RFTN1: variants seen among roughly 807,000 people sequenced by gnomAD.
The protein encoded by RFTN1 is raftlin, lipid raft linker 1.
RFTN1 carries 26 observed loss-of-function variants against 46.5 expected under a neutral mutation model. That is an observed-to-expected ratio of 0.56 (90% confidence interval 0.41 to 0.78). RFTN1 has a LOEUF of 0.78. Ranked by LOEUF, RFTN1 falls within the 30% of genes least tolerant of loss-of-function variation. The pLI is 0.00. For synonymous variants in RFTN1, 261 were observed against 284.2 expected (o/e 0.92, Z 0.82); for missense variants, 693 against 718.7 (o/e 0.96, Z 0.41).
chr3:16,461,323 C>CAT (rs1364048103), intron 2 of RFTN1, among the ~76,000 whole-genome samples: 1 of 152,128 alleles, frequency 6.6e-6, no homozygotes, highest in African/African-American at 2.4e-5. Flanking sequence ...AACTGGGAAG[C>CAT]ATATATATAT....
Position 16,378,007 on chromosome 3 carries a change from A to T in RFTN1, c.537T>A (p.Ser179=), listed in dbSNP as rs1318369215. ...TGGCATCCTCGGTGCTGTTGGCAGT[A>T]GACACCGGAGCACTGCTGCCTGCCG... is the stretch of plus-strand genomic sequence containing the variant. ...VNSAGSSAPV[S]TANSTEDARD... is the part of the protein sequence containing the mutation. Residue 179 remains serine, a synonymous_variant, in exon 5 of 10, where the codon TCT becomes TCA. Coordinates refer to ENST00000334133, the MANE Select transcript of RFTN1 (RefSeq NM_015150.2). 2.5e-6 allele frequency: 4 copies of T among 1,614,136 alleles called. No homozygotes were observed. In the African/African-American group the frequency reaches 5.3e-5, roughly 22 times the overall value.
chr3:16,462,058 C>A (rs1013958512), intron 2 of RFTN1, among the ~76,000 whole-genome samples: 31 of 152,202 alleles, frequency 2.0e-4, no homozygotes, highest in African/African-American at 7.5e-4. Flanking sequence ...CCTGCTCACT[C>A]ATAGCACGTA....
At position 16,407,058 on chromosome 3, in the gene RFTN1, A is replaced by C. The variant is rs925706613; in HGVS notation, c.441+2317T>G. Among the ~76,000 whole-genome samples, 2 of 152,208 alleles carry C rather than the reference A, an allele frequency of 1.3e-5. No individual in the cohort carries two copies. Among genetic ancestry groups the C allele is most frequent in the Non-Finnish European group, 2.9e-5 (2 of 68,040 alleles). ...ACATCTCCACTTGGGTACTACAGAA[A>C]CAACACCCCAGTAGCTCGCAAATCG... is the stretch of plus-strand genomic sequence containing the variant. On this transcript the variant is annotated intron_variant, in intron 4 of 9. Transcript: ENST00000334133. This position sits in a 1 kb window ranked among gnomAD's most constrained non-coding sequence, Gnocchi z 4.0.
rs972879625 is a variant in RFTN1 at position 16,320,258 on chromosome 3, C to T, written c.1333-3026G>A. Among the ~76,000 whole-genome samples, 6 of 152,226 alleles carry T rather than the reference C, an allele frequency of 3.9e-5. No homozygotes were observed. Among genetic ancestry groups the T allele is most frequent in the Non-Finnish European group, 7.3e-5 (5 of 68,050 alleles). On this transcript the variant is annotated intron_variant, in intron 9 of 9. Coordinates refer to ENST00000334133, the MANE Select transcript of RFTN1 (RefSeq NM_015150.2). This position sits in a 1 kb window ranked among gnomAD's most constrained non-coding sequence, Gnocchi z 4.5. ...TTTAATATTTGCCTTGAAAATCACA[C>T]GCACGTACACAGAGGTTTCTTTCCA...
chr3:16,401,116 A>C (rs754331178), intron 4 of RFTN1, among the ~76,000 whole-genome samples: 1 of 152,140 alleles, frequency 6.6e-6, no homozygotes, highest in Non-Finnish European at 1.5e-5. Flanking sequence ...ATTCAAGACC[A>C]ACCTGGTAAA....
Position 16,348,686 on chromosome 3 carries a change from C to T in RFTN1, c.1146+9246G>A, listed in dbSNP as rs1230001638. Among the ~76,000 whole-genome samples, 1 of 152,210 alleles carries T rather than the reference C, an allele frequency of 6.6e-6. No homozygotes were observed. The highest frequency in any genetic ancestry group is 1.5e-5 in the Non-Finnish European group (1 of 68,036). ...TTGTTCCTGGGCATCAAAAAGTAGT[C>T]ACTCTCTTTGAGCCTATGGAGTTTC... On this transcript the variant is annotated intron_variant, in intron 7 of 9. Coordinates refer to ENST00000334133, the MANE Select transcript of RFTN1 (RefSeq NM_015150.2). This position sits in a 1 kb window ranked among gnomAD's most constrained non-coding sequence, Gnocchi z 6.3.
chr3:16,426,615 A>T lies in RFTN1; in HGVS notation c.332+7236T>A, dbSNP rs1035349649. Reference sequence around the variant, plus strand: ...AAAAGAAGAGTGAAAAATAATGGACATCTATTCTTGTGGCAAATCACTGTT... The same window carrying T: ...AAAAGAAGAGTGAAAAATAATGGACTTCTATTCTTGTGGCAAATCACTGTT... On this transcript the variant is annotated intron_variant, in intron 3 of 9. Coordinates refer to ENST00000334133, the MANE Select transcript of RFTN1 (RefSeq NM_015150.2). This position sits in a 1 kb window ranked among gnomAD's most constrained non-coding sequence, Gnocchi z 5.9. Among the ~76,000 whole-genome samples the T allele has an allele frequency of 2.6e-5, 4 of 151,280 alleles. No individual in the cohort carries two copies. The highest frequency in any genetic ancestry group is 5.9e-5 in the Non-Finnish European group (4 of 67,908).
intron 7 of RFTN1, among the ~76,000 whole-genome samples, chr3:16,332,535 A>T (rs1306094933): frequency 6.6e-6 from 1 of 151,802 alleles, no homozygotes; most frequent in Non-Finnish European, 1.5e-5. Context: ...TGTGACAGAG[A>T]TGGGGAACTA....
Position 16,475,861 on chromosome 3 carries a change from T to C in RFTN1, c.145+17864A>G, listed in dbSNP as rs750709218. 1.9e-4 allele frequency among the ~76,000 whole-genome samples: 29 copies of C among 152,208 alleles called. No homozygotes were observed. Among genetic ancestry groups the C allele is most frequent in the Non-Finnish European group, 2.9e-5 (2 of 68,038 alleles). On this transcript the variant is annotated intron_variant, in intron 2 of 9. Transcript: ENST00000334133. The surrounding 1 kb of genome is among the most constrained non-coding windows in gnomAD (Gnocchi z 4.2). ...TTCCACCAATCCCAGATAAATATTC[T>C]ATATCCTACAGACTGAACCAGGAAA...
In RFTN1 at chr3:16,498,583, G is replaced by T. The variant is rs2076660287; in HGVS notation, c.-8-4706C>A. Among the ~76,000 whole-genome samples, 1 of 152,206 alleles carries T rather than the reference G, an allele frequency of 6.6e-6. No individual in the cohort carries two copies. The highest frequency in any genetic ancestry group is 2.1e-4 in the South Asian group (1 of 4,834). On this transcript the variant is annotated intron_variant, in intron 1 of 9. Transcript: ENST00000334133. This position sits in a 1 kb window ranked among gnomAD's most constrained non-coding sequence, Gnocchi z 5.2. ...TTTTAGAGACTGATTTCTCTGGAGT[G>T]CGTGCAACCCTGGCTAAGCAACTGT...
intron 7 of RFTN1, among the ~76,000 whole-genome samples, chr3:16,355,999 T>C (rs1265723522): frequency 6.6e-6 from 1 of 152,208 alleles, no homozygotes; most frequent in Non-Finnish European, 1.5e-5. Context: ...CAGCCATGCA[T>C]CGCTACTGTT....
chr3:16,405,058 C>T (rs1320537045), intron 4 of RFTN1, among the ~76,000 whole-genome samples: 2 of 152,184 alleles, frequency 1.3e-5, no homozygotes, highest in African/African-American at 4.8e-5. Context: ...CATAGACGCT[C>T]TCATGAATGA....
chr3:16,482,896 T>A, intron 2 of RFTN1: 4 of 1,476,330 alleles, frequency 2.7e-6, no homozygotes, highest in Non-Finnish European at 3.7e-6. Context: ...GAGCTTAAAT[T>A]TGCGGAAATA....
At position 16,400,105 on chromosome 3, in the gene RFTN1, T is replaced by C. The variant is rs1175145779; in HGVS notation, c.441+9270A>G. ...GCTCCTGAAAGCCCTCCAGCAGCTTTGCACTACACTTAGGATAAAGGGCCC... is the reference window on the plus strand; with the variant it reads ...GCTCCTGAAAGCCCTCCAGCAGCTTCGCACTACACTTAGGATAAAGGGCCC... On this transcript the variant is annotated intron_variant, in intron 4 of 9. Coordinates refer to ENST00000334133, the MANE Select transcript of RFTN1 (RefSeq NM_015150.2). The surrounding 1 kb of genome is among the most constrained non-coding windows in gnomAD (Gnocchi z 4.5). Among the ~76,000 whole-genome samples the C allele has an allele frequency of 6.6e-6, 1 of 152,172 alleles. No homozygotes were observed. The highest frequency in any genetic ancestry group is 2.4e-5 in the African/African-American group (1 of 41,426).
intron 6 of RFTN1, among the ~76,000 whole-genome samples, chr3:16,362,493 C>T (rs1281656629): frequency 6.6e-6 from 1 of 152,090 alleles, no homozygotes; most frequent in East Asian, 1.9e-4. Flanking sequence ...GGTAACACTC[C>T]AGGAGTCCAT....
At chr3:16,326,451 A>AC (rs1252410524) in intron 8 of RFTN1, among the ~76,000 whole-genome samples, 1 of 152,244 alleles carries the variant, frequency 6.6e-6, no homozygotes, top group Admixed American at 6.5e-5. Context: ...CTAGCCTAGC[A>AC]CAAGGCACAT....
Position 16,434,095 on chromosome 3 carries a change from G to C in RFTN1, c.146-58C>G. On this transcript the variant is annotated intron_variant, in intron 2 of 9. Transcript: ENST00000334133. ...CCCATCACAACGCCCACTCAGCCCT[G>C]CCCAAACCCCTCTTCCCTTGCCCTC... 3 of 1,423,822 alleles carry C rather than the reference G, an allele frequency of 2.1e-6. No homozygotes were observed. In the South Asian group the frequency reaches 4.2e-5, roughly 20 times the overall value. The allele number at this position is 1,423,822 out of a possible 1,614,324, so 88.2% of individuals were successfully genotyped here.
intron 2 of RFTN1, 152 bp downstream of exon 2, chr3:16,493,573 G>T: frequency 1.4e-6 from 1 of 700,040 alleles, no homozygotes; most frequent in Non-Finnish European, 2.3e-6. Flanking sequence ...TAAAAATCTG[G>T]ATCTCTGTAA....
chr3:16,506,910 G>A lies in RFTN1; in HGVS notation c.-9+6532C>T, dbSNP rs1422109649. Among the ~76,000 whole-genome samples, 1 of 152,172 alleles carries A rather than the reference G, an allele frequency of 6.6e-6. No individual in the cohort carries two copies. The highest frequency in any genetic ancestry group is 6.5e-5 in the Admixed American group (1 of 15,284). On this transcript the variant is annotated intron_variant, in intron 1 of 9. Coordinates refer to ENST00000334133, the MANE Select transcript of RFTN1 (RefSeq NM_015150.2). The surrounding 1 kb of genome is among the most constrained non-coding windows in gnomAD (Gnocchi z 4.8). ...TAGGAAAGACACTTATCTGGTACAGGATGGTAAAGGGCATTTGGAATATTC... is the reference window on the plus strand; with the variant it reads ...TAGGAAAGACACTTATCTGGTACAGAATGGTAAAGGGCATTTGGAATATTC...
Sources: gnomAD v4.1 joint callset for allele counts (sites outside exome capture counted in the v4.1 genomes callset) on GRCh38, gnomAD v4.1.1 for gene constraint, Gnocchi (gnomAD v3.1) non-coding constraint, MANE v1.5 for transcripts, NCBI Gene and HGNC (gene_info 2026-07-23, HGNC 2026-07-21) for gene names.